FILIP1L: variants seen among roughly 807,000 people sequenced by gnomAD.
The protein encoded by FILIP1L is filamin A interacting protein 1 like, also known as filamin A-interacting protein 1-like.
A neutral mutation model predicts 96.6 loss-of-function variants in FILIP1L; 55 were observed. That is an observed-to-expected ratio of 0.57 (90% CI 0.46 to 0.71). FILIP1L has a LOEUF of 0.71. Among genes scored for constraint, FILIP1L ranks in the 30% least tolerant of loss-of-function variants. The probability of loss-of-function intolerance (pLI) is 0.00; values close to 1 mark genes in which losing one functional copy is unlikely to be tolerated. For synonymous variants in FILIP1L, 467 were observed against 473.9 expected (o/e 0.99, Z 0.19); for missense variants, 1,304 against 1,321.2 (o/e 0.99, Z 0.20).
chr3:99,926,970 A>G (rs149662311), intron 3 of FILIP1L, among the ~76,000 whole-genome samples: 18 of 152,162 alleles, frequency 1.2e-4, no homozygotes, highest in African/African-American at 4.3e-4. Flanking sequence ...ATTTTTCACC[A>G]CTGGGACTCC....
At position 100,058,745 on chromosome 3, in the gene FILIP1L, G is replaced by A. The variant is rs144146179; in HGVS notation, c.-11+55308C>T. Among the ~76,000 whole-genome samples, 1,114 of 152,326 alleles carry A rather than the reference G, an allele frequency of 7.3e-3. 7 individuals are homozygous for A. The highest frequency in any genetic ancestry group is 0.012 in the Non-Finnish European group (813 of 68,032). ...GACTGTCCCACTCAGAGGCTTTTCA[G>A]TAGAAGGAGGACGCTGTATAACCTC... On this transcript the variant is annotated intron_variant, in intron 1 of 5. Transcript: ENST00000477258.
rs1456102944 is a variant in FILIP1L, at chr3:100,061,448, C to T, written c.-11+52605G>A. ...GGTTATTCCAGGGTGTTAATTTTCC[C>T]AGGCCCTTGTTTTACTTTCTTTCTC... On this transcript the variant is annotated intron_variant, in intron 1 of 5. Coordinates refer to ENST00000477258, the MANE Select transcript of FILIP1L (RefSeq NM_001387850.1). Among the ~76,000 whole-genome samples, 6 of 152,176 alleles carry T rather than the reference C, an allele frequency of 3.9e-5. No individual in the cohort carries two copies. In the East Asian group the frequency reaches 7.7e-4, roughly 20 times the overall value.
chr3:100,047,428 C>G (rs1286017336), intron 1 of FILIP1L, among the ~76,000 whole-genome samples: 1 of 152,136 alleles, frequency 6.6e-6, no homozygotes, highest in Non-Finnish European at 1.5e-5. Flanking sequence ...TGACTTAACT[C>G]CAAATTCTAT....
At chr3:100,025,705 A>C (rs1413740031) in intron 1 of FILIP1L, 1 of 152,144 alleles carries the variant, frequency 6.6e-6, no homozygotes, top group Non-Finnish European at 1.5e-5. Context: ...GTTACCAGGC[A>C]CTTTATTCTA....
intron 4 of FILIP1L, among the ~76,000 whole-genome samples, chr3:99,855,304 C>A (rs1345199262): frequency 2.6e-5 from 4 of 152,110 alleles, no homozygotes; most frequent in Non-Finnish European, 5.9e-5. Flanking sequence ...GGGTCAGTAG[C>A]TACATTTTCA....
intron 1 of FILIP1L, among the ~76,000 whole-genome samples, chr3:100,037,741 A>G (rs888172463): frequency 1.3e-5 from 2 of 152,166 alleles, no homozygotes; most frequent in African/African-American, 4.8e-5. Flanking sequence ...TGGGAAGCTC[A>G]TTGCATAAAG....
intron 1 of FILIP1L, among the ~76,000 whole-genome samples, chr3:100,006,039 T>G (rs1374124284): frequency 6.6e-6 from 1 of 152,156 alleles, no homozygotes; most frequent in Non-Finnish European, 1.5e-5. Flanking sequence ...GATAGAAGTT[T>G]TATAGAAAAG....
chr3:99,921,179 G>A (rs2107650446), intron 4 of FILIP1L, among the ~76,000 whole-genome samples: 1 of 152,302 alleles, frequency 6.6e-6, no homozygotes, highest in East Asian at 1.9e-4. Flanking sequence ...ACTCAGTGAA[G>A]TTGGAAGGAC....
intron 1 of FILIP1L, among the ~76,000 whole-genome samples, chr3:99,948,649 G>C (rs1305855638): frequency 2.0e-5 from 3 of 147,522 alleles, no homozygotes; most frequent in Non-Finnish European, 4.5e-5. Context: ...GAGGGAGAAA[G>C]AAAGAGGGGA....
chr3:99,884,748 C>T (rs528681670), intron 4 of FILIP1L, among the ~76,000 whole-genome samples: 1 of 152,308 alleles, frequency 6.6e-6, no homozygotes, highest in Admixed American at 6.5e-5. Context: ...TGACTGTTAG[C>T]TTTCAGTTCA....
intron 1 of FILIP1L, among the ~76,000 whole-genome samples, chr3:99,969,390 T>C (rs1398163323): frequency 6.6e-6 from 1 of 152,218 alleles, no homozygotes; most frequent in Non-Finnish European, 1.5e-5. Context: ...TTGAGCCACG[T>C]TGATGGCCTA....
In FILIP1L at chr3:100,063,458, A is replaced by C. The variant is rs537634422; in HGVS notation, c.-11+50595T>G. 7.2e-5 allele frequency among the ~76,000 whole-genome samples: 11 copies of C among 152,264 alleles called. No individual in the cohort carries two copies. The South Asian group carries it at 2.3e-3, about 32-fold the overall frequency. On this transcript the variant is annotated intron_variant, in intron 1 of 5. Coordinates refer to ENST00000477258, the MANE Select transcript of FILIP1L (RefSeq NM_001387850.1). The stretch of plus-strand genomic sequence containing the variant: ...GAATAGCTTTTTACTGTAACTCAGA[A>C]TGATGGCCTTAATTTTCTCCAGGTG...
In FILIP1L at chr3:99,829,750, C is replaced by T. The variant is rs1281933295; in HGVS notation, c.*664G>A. ...CACCTGGAATATTGATTCATGTCTC[C>T]CTAAAATATCTCAATGTTACTGAGA... On this transcript the variant is annotated 3_prime_UTR_variant, in exon 6 of 6. Transcript: ENST00000477258. Among the ~76,000 whole-genome samples, 1 of 152,060 alleles carries T rather than the reference C, an allele frequency of 6.6e-6. No homozygotes were observed. Among genetic ancestry groups the T allele is most frequent in the African/African-American group, 2.4e-5 (1 of 41,390 alleles).
At position 99,930,878 on chromosome 3, in the gene FILIP1L, A is replaced by T; in HGVS notation, c.143T>A (p.Leu48His). 1 of 1,613,238 alleles carries T rather than the reference A, an allele frequency of 6.2e-7. No individual in the cohort carries two copies. Among genetic ancestry groups the T allele is most frequent in the Non-Finnish European group, 8.5e-7 (1 of 1,179,826 alleles). ...TGGCTTCTCTGCCTTGGGACACGGAAGTATTACATCCGACTCACTGGGGGA... is the reference window on the plus strand; with the variant it reads ...TGGCTTCTCTGCCTTGGGACACGGATGTATTACATCCGACTCACTGGGGGA... Reference protein sequence around the residue: ...KDSPSESDVILPCPKAEKPHS... With the variant: ...KDSPSESDVIHPCPKAEKPHS... Residue 48 changes from leucine (L) to histidine (H), a missense_variant, in exon 2 of 6, where the codon CTT becomes CAT. Transcript: ENST00000477258.
chr3:99,842,417 C>CA (rs1346257407), intron 5 of FILIP1L, among the ~76,000 whole-genome samples: 1 of 150,556 alleles, frequency 6.6e-6, no homozygotes, highest in Admixed American at 6.6e-5. Flanking sequence ...ACCAGAATCT[C>CA]AGAAGTCAGC....
chr3:99,833,347 A>G lies in FILIP1L; in HGVS notation c.3382-2742T>C, dbSNP rs1942764457. 24 of 1,162,898 alleles carry G rather than the reference A, an allele frequency of 2.1e-5. No homozygotes were observed. In the South Asian group the frequency reaches 2.3e-4, roughly 11 times the overall value. 72.0% of individuals were successfully genotyped at this position (1,162,898 alleles called of 1,614,324 possible). ...TGGTTTGTTTTATCCATAGATTCTC[A>G]AAAGAAACCTAGCAATCTAGAAGAC... On this transcript the variant is annotated intron_variant, in intron 5 of 5. Transcript: ENST00000477258.
At chr3:99,882,785 A>G (rs563422017) in intron 4 of FILIP1L, among the ~76,000 whole-genome samples, 1 of 152,354 alleles carries the variant, frequency 6.6e-6, no homozygotes, top group African/African-American at 2.4e-5. Context: ...AGCTTATACT[A>G]ACTGCAAAAC....
At chr3:99,888,461 G>T (rs886297175) in intron 4 of FILIP1L, among the ~76,000 whole-genome samples, 1 of 152,128 alleles carries the variant, frequency 6.6e-6, no homozygotes, top group Admixed American at 6.5e-5. Context: ...AGAAAAGTTG[G>T]TGGCTGGGTA....
At chr3:99,918,873 A>G (rs1055239141) in intron 4 of FILIP1L, among the ~76,000 whole-genome samples, 3 of 152,242 alleles carry the variant, frequency 2.0e-5, no homozygotes, top group Non-Finnish European at 4.4e-5. Context: ...GACAAAGGTC[A>G]AATGGAGATC....
Sources: allele counts gnomAD v4.1 joint callset (sites outside exome capture counted in the v4.1 genomes callset), GRCh38; gene constraint gnomAD v4.1.1; transcripts MANE v1.5; gene names NCBI Gene and HGNC (gene_info 2026-07-23, HGNC 2026-07-21).